The following LARS1 variants were observed in gnomAD, a reference collection of about 807,000 sequenced individuals.
LARS1 encodes leucyl-tRNA synthetase 1, also known as leucine--tRNA ligase, cytoplasmic.
In LARS1, 100 loss-of-function variants were observed where a neutral mutation model predicts 162.8. That is an observed-to-expected ratio of 0.61 (90% CI 0.52 to 0.73). The LOEUF (loss-of-function observed/expected upper bound fraction) is 0.73. Ranked by LOEUF, LARS1 falls within the 30% of genes least tolerant of loss-of-function variation. The probability of loss-of-function intolerance (pLI) is 0.00; values close to 1 mark genes in which losing one functional copy is unlikely to be tolerated. For synonymous variants in LARS1, 457 were observed against 462.8 expected, an observed-to-expected ratio of 0.99 and a Z score of 0.16; for missense variants, 1,258 against 1,408.9, an observed-to-expected ratio of 0.89 and a Z score of 1.71.
intron 2 of LARS1, among the ~76,000 whole-genome samples, chr5:146,174,885 A>G (rs185501508): frequency 3.3e-5 from 5 of 151,318 alleles, no homozygotes; most frequent in Non-Finnish European, 5.9e-5. Context: ...GGAGTTCAAG[A>G]CTAGCCTGGG....
At chr5:146,168,033 T>C in intron 5 of LARS1, 95 bp downstream of exon 5, 1 of 1,050,352 alleles carries the variant, frequency 9.5e-7, no homozygotes, top group Non-Finnish European at 1.4e-6. Context: ...TCTAGTACAT[T>C]TTATGTGTTG....
rs58644900 is a variant in LARS1, at chr5:146,115,581, C to CAAAAAAAAAAAAAAAAAAAAA, written c.3326-1291_3326-1271dup. ...GCAAGCTGAAAAAATAGCGCCTGACCAAAAAAAAAAAAAAAAAAAAAAAAA... is the reference window on the plus strand; with the variant it reads ...GCAAGCTGAAAAAATAGCGCCTGACCAAAAAAAAAAAAAAAAAAAAAAAAAAAAAAAAAAAAAAAAAAAAAA... On this transcript the variant is annotated intron_variant, in intron 31 of 31. Coordinates refer to ENST00000394434, the MANE Select transcript of LARS1 (RefSeq NM_020117.11). Among the ~76,000 whole-genome samples, 2 of 20,584 alleles carry CAAAAAAAAAAAAAAAAAAAAA rather than the reference C, an allele frequency of 9.7e-5. 1 individual carries two copies. The highest frequency in any genetic ancestry group is 2.5e-4 in the African/African-American group (2 of 8,150). The allele number at this position is 20,584 out of a possible 152,430, so 13.5% of individuals were successfully genotyped here. A position where few individuals can be genotyped will look rare whatever the true frequency, so the allele number is the denominator to read the frequency against.
At chr5:146,161,283 G>T (rs1753765464) in intron 6 of LARS1, among the ~76,000 whole-genome samples, 1 of 152,214 alleles carries the variant, frequency 6.6e-6, no homozygotes, top group Admixed American at 6.5e-5. Flanking sequence ...ACTGATGAGA[G>T]AAGTGGCTAC....
At chr5:146,140,106 CACATTATTTCTTACAT>C in intron 21 of LARS1, 82 bp downstream of exon 21, 1 of 918,440 alleles carries the variant, frequency 1.1e-6, no homozygotes, top group Non-Finnish European at 1.8e-6. Flanking sequence ...CACACCTGGA[CACATTATTTCTTACAT>C]ACATTTAAAA....
At chr5:146,118,278 G>A (rs959677392) in intron 31 of LARS1, among the ~76,000 whole-genome samples, 3 of 152,138 alleles carry the variant, frequency 2.0e-5, no homozygotes, top group Non-Finnish European at 2.9e-5. Context: ...AACAAATATC[G>A]CATGATCTCA....
rs1007774667 is a variant in LARS1 at position 146,149,546 on chromosome 5, A to C, written c.1503+76T>G. 2.0e-5 allele frequency: 20 copies of C among 1,012,896 alleles called. No individual in the cohort carries two copies. In the Middle Eastern group the frequency reaches 1.6e-3, roughly 83 times the overall value. 62.7% of individuals were successfully genotyped at this position (1,012,896 alleles called of 1,614,324 possible). A position where few individuals can be genotyped will look rare whatever the true frequency, so the allele number is the denominator to read the frequency against. On this transcript the variant is annotated intron_variant, in intron 15 of 31. Transcript: ENST00000394434. ...TTATAGCTCCAGGTTCTACTGTAGAACTCACTGCTAATAACACTGTCAAGT... is the reference window on the plus strand; with the variant it reads ...TTATAGCTCCAGGTTCTACTGTAGACCTCACTGCTAATAACACTGTCAAGT...
intron 4 of LARS1, 57 bp downstream of exon 4, chr5:146,171,853 G>A: frequency 2.4e-6 from 3 of 1,226,110 alleles, no homozygotes; most frequent in South Asian, 1.3e-5. Context: ...CTTGAATTGG[G>A]TATTACTATT....
chr5:146,138,780 C>A, intron 21 of LARS1: 1 of 171,978 alleles, frequency 5.8e-6, no homozygotes, highest in South Asian at 1.2e-4. Context: ...GGTGTTTATG[C>A]TCAAGATGAA....
chr5:146,148,112 G>T (rs1247192353), intron 15 of LARS1, among the ~76,000 whole-genome samples: 4 of 152,202 alleles, frequency 2.6e-5, no homozygotes, highest in African/African-American at 7.2e-5. Flanking sequence ...GACATGAAAA[G>T]TCACAACAAT....
chr5:146,125,989 C>T (rs116151599), intron 28 of LARS1, among the ~76,000 whole-genome samples: 92 of 152,000 alleles, frequency 6.1e-4, no homozygotes, highest in Admixed American at 1.2e-3. Flanking sequence ...AAGAAAGTGC[C>T]CCACAAGAAC....
intron 4 of LARS1, among the ~76,000 whole-genome samples, chr5:146,170,486 G>T (rs1028306341): frequency 6.6e-6 from 1 of 151,116 alleles, no homozygotes; most frequent in African/African-American, 2.4e-5. Flanking sequence ...AAAAAAGGGG[G>T]GAAAAACAGA....
intron 29 of LARS1, 119 bp from the exon 30 acceptor site, chr5:146,122,706 C>T: frequency 4.3e-6 from 2 of 462,462 alleles, no homozygotes; most frequent in South Asian, 5.4e-5. Flanking sequence ...ATGGTCTGTG[C>T]AATTTTATTA....
chr5:146,135,458 C>T (rs933073639), intron 22 of LARS1, 143 bp downstream of exon 22: 1 of 612,602 alleles, frequency 1.6e-6, no homozygotes, highest in Non-Finnish European at 2.8e-6. Context: ...TATTATGTTG[C>T]TCATCCACAA....
intron 27 of LARS1, among the ~76,000 whole-genome samples, chr5:146,127,019 T>G (rs1436857205): frequency 6.6e-6 from 1 of 152,042 alleles, no homozygotes; most frequent in African/African-American, 2.4e-5. Context: ...CAAAAATAAA[T>G]GTCCATATCA....
chr5:146,127,790 C>T (rs1752106595), intron 27 of LARS1, among the ~76,000 whole-genome samples: 1 of 152,040 alleles, frequency 6.6e-6, no homozygotes, highest in East Asian at 1.9e-4. Context: ...ACAAGAAATA[C>T]AAAAACATTT....
At chr5:146,152,616 T>C (rs554797308) in intron 13 of LARS1, among the ~76,000 whole-genome samples, 37 of 152,224 alleles carry the variant, frequency 2.4e-4, no homozygotes, top group African/African-American at 7.2e-4. Flanking sequence ...CATGGAAAAA[T>C]TGTCTTCCAC....
chr5:146,151,566 T>C (rs900658403), intron 14 of LARS1, among the ~76,000 whole-genome samples: 4 of 152,220 alleles, frequency 2.6e-5, no homozygotes, highest in African/African-American at 9.6e-5. Flanking sequence ...CTCCATTCAA[T>C]AAATCTTTGA....
chr5:146,149,693 A>G lies in LARS1; in HGVS notation c.1432T>C (p.Leu478=). Residue 478 remains leucine, a synonymous_variant, in exon 15 of 32, where the codon TTG becomes CTG. Coordinates refer to ENST00000394434, the MANE Select transcript of LARS1 (RefSeq NM_020117.11). The part of the protein sequence containing the change: ...YLKGFYEGIM[L]VDGFKGQKVQ... ...TTCTGTCCTTTAAATCCATCCACCA[A>G]CATGATCTAAAAGGATGAGAGGGGA... 6.2e-7 allele frequency: 1 copy of G among 1,608,836 alleles called. No individual in the cohort carries two copies. Among genetic ancestry groups the G allele is most frequent in the East Asian group, 2.2e-5 (1 of 44,796 alleles).
intron 15 of LARS1, among the ~76,000 whole-genome samples, chr5:146,146,166 C>T (rs887327331): frequency 7.9e-5 from 12 of 151,922 alleles, no homozygotes; most frequent in African/African-American, 2.7e-4. Flanking sequence ...CATGGAGAAA[C>T]CCCGTCTCTA....
Sources: allele counts gnomAD v4.1 joint callset (sites outside exome capture counted in the v4.1 genomes callset), GRCh38; gene constraint gnomAD v4.1.1; transcripts MANE v1.5; gene names NCBI Gene and HGNC (gene_info 2026-07-23, HGNC 2026-07-21).